Variants in BICD1 observed in about 807,000 individuals in gnomAD.
BICD1 encodes protein bicaudal D homolog 1.
In BICD1, 35 loss-of-function variants were observed where a neutral mutation model predicts 92.5. The ratio of observed to expected loss-of-function variants is 0.38; its 90% CI spans 0.29 to 0.50. BICD1 has a LOEUF of 0.50. BICD1 is among the 20% of genes least tolerant of loss of function. The probability of loss-of-function intolerance (pLI) is 0.93; values close to 1 mark genes in which losing one functional copy is unlikely to be tolerated. For synonymous variants in BICD1, 429 were observed against 465.1 expected, an observed-to-expected ratio of 0.92 and a Z score of 1.00; for missense variants, 950 against 1,189.8, an observed-to-expected ratio of 0.80 and a Z score of 2.97.
intron 1 of BICD1, among the ~76,000 whole-genome samples, chr12:32,155,376 G>C (rs1320214816): frequency 6.6e-6 from 1 of 152,192 alleles, no homozygotes; most frequent in African/African-American, 2.4e-5. Flanking sequence ...AATTTCAGCT[G>C]TCCAGCTATG....
At position 32,107,445 on chromosome 12, in the gene BICD1, G is replaced by T; in HGVS notation, c.114G>T (p.Gly38=). The change falls in exon 1 of 10, where the codon GGG becomes GGT. Residue 38 remains glycine, a synonymous_variant. Transcript: ENST00000652176. ...AGAAGATCCAGGCTGCCGAGTACGG[G>T]CTGGTGGTGCTGGAGGAGAAGCTGA... ...THEKIQAAEY[G]LVVLEEKLTL... The T allele has an allele frequency of 6.2e-7, 1 of 1,611,650 alleles. No homozygotes were observed. The highest frequency in any genetic ancestry group is 8.5e-7 in the Non-Finnish European group (1 of 1,179,132).
intron 1 of BICD1, among the ~76,000 whole-genome samples, chr12:32,210,374 TA>T (rs1405073289): frequency 6.6e-6 from 1 of 152,230 alleles, no homozygotes; most frequent in African/African-American, 2.4e-5. Flanking sequence ...ATTTTAAAGA[TA>T]AAATGATATT....
intron 1 of BICD1, among the ~76,000 whole-genome samples, chr12:32,180,771 C>T (rs1272101228): frequency 6.6e-6 from 1 of 151,954 alleles, no homozygotes; most frequent in Non-Finnish European, 1.5e-5. Flanking sequence ...TCCTTGAATA[C>T]TGGTTTTGTA....
chr12:32,130,426 C>T (rs12367017), intron 1 of BICD1, among the ~76,000 whole-genome samples: 16,394 of 152,102 alleles, frequency 0.11, 1,166 homozygotes, highest in East Asian at 0.32. Flanking sequence ...CTCCTGACCT[C>T]GTGATCTGCC....
At chr12:32,245,969 G>T (rs111432745) in intron 2 of BICD1, among the ~76,000 whole-genome samples, 5,813 of 129,650 alleles carry the variant, frequency 0.045, 423 homozygotes, top group African/African-American at 0.16. Flanking sequence ...GGCAGAGGTT[G>T]CAGTGAGCCG....
intron 2 of BICD1, among the ~76,000 whole-genome samples, chr12:32,234,318 C>T (rs1945993464): frequency 6.6e-6 from 1 of 152,148 alleles, no homozygotes; most frequent in Admixed American, 6.5e-5. Context: ...CAAAATTAGG[C>T]AGGGCGTGGT....
intron 2 of BICD1, among the ~76,000 whole-genome samples, chr12:32,240,204 C>T (rs1946196521): frequency 6.6e-6 from 1 of 152,154 alleles, no homozygotes; most frequent in South Asian, 2.1e-4. Context: ...CAATTTTCAC[C>T]CCTTTGGGGG....
chr12:32,112,673 A>G (rs1941741629), intron 1 of BICD1, among the ~76,000 whole-genome samples: 1 of 152,198 alleles, frequency 6.6e-6, no homozygotes, highest in African/African-American at 2.4e-5. Flanking sequence ...ACGCTAAAGG[A>G]GAATGCACGT....
intron 1 of BICD1, among the ~76,000 whole-genome samples, chr12:32,198,954 C>T (rs1944818590): frequency 6.6e-6 from 1 of 152,142 alleles, no homozygotes; most frequent in Admixed American, 6.6e-5. Context: ...CTCATTTCTA[C>T]CTTTAATATT....
At chr12:32,272,632 T>G (rs1240272200) in intron 2 of BICD1, among the ~76,000 whole-genome samples, 1 of 152,198 alleles carries the variant, frequency 6.6e-6, no homozygotes, top group Non-Finnish European at 1.5e-5. Flanking sequence ...TATTCCAGTC[T>G]GGCCAACATG....
At chr12:32,131,831 G>A (rs1162876901) in intron 1 of BICD1, among the ~76,000 whole-genome samples, 5 of 152,182 alleles carry the variant, frequency 3.3e-5, no homozygotes, top group African/African-American at 7.2e-5. Context: ...TGCCCTCAGC[G>A]GGTTGACACA....
At chr12:32,142,488 ATTGG>A (rs376701137) in intron 1 of BICD1, among the ~76,000 whole-genome samples, 18 of 53,670 alleles carry the variant, frequency 3.4e-4, no homozygotes, top group Admixed American at 5.6e-4. Context: ...CTATCTATCT[ATTGG>A]TCTATCTATC....
chr12:32,345,002 A>G (rs554547919), intron 8 of BICD1, among the ~76,000 whole-genome samples: 1 of 152,350 alleles, frequency 6.6e-6, no homozygotes, highest in East Asian at 1.9e-4. Context: ...TGCCAAAACA[A>G]AAGTTAAATC....
At chr12:32,129,688 A>G (rs1282646098) in intron 1 of BICD1, among the ~76,000 whole-genome samples, 1 of 152,082 alleles carries the variant, frequency 6.6e-6, no homozygotes, top group African/African-American at 2.4e-5. Context: ...TTTCTTCAAC[A>G]TTAAGAAATA....
chr12:32,187,828 A>G (rs576816023), intron 1 of BICD1, among the ~76,000 whole-genome samples: 2 of 152,358 alleles, frequency 1.3e-5, no homozygotes, highest in Admixed American at 6.5e-5. Context: ...CACATCACAC[A>G]ATATATCCAT....
intron 2 of BICD1, among the ~76,000 whole-genome samples, chr12:32,264,041 A>G (rs773038920): frequency 4.6e-5 from 7 of 152,242 alleles, no homozygotes; most frequent in Admixed American, 6.5e-5. Flanking sequence ...GCAAGGCTTC[A>G]GATCCTGGCT....
chr12:32,371,023 CT>C (rs5797476), intron 9 of BICD1, among the ~76,000 whole-genome samples: 13 of 127,400 alleles, frequency 1.0e-4, no homozygotes, highest in Non-Finnish European at 1.9e-4. Flanking sequence ...ATTTTTTTAA[CT>C]TTTTTTTTTC....
At chr12:32,282,338 A>G (rs1310023246) in intron 2 of BICD1, among the ~76,000 whole-genome samples, 1 of 149,244 alleles carries the variant, frequency 6.7e-6, no homozygotes, top group Non-Finnish European at 1.5e-5. Flanking sequence ...CTCCCACTTC[A>G]GCCTCCCGAG....
chr12:32,188,330 G>T (rs1352645836), intron 1 of BICD1, among the ~76,000 whole-genome samples: 1 of 152,164 alleles, frequency 6.6e-6, no homozygotes, highest in African/African-American at 2.4e-5. Context: ...CAACACTTCA[G>T]ATAGTTTATA....
Sources: gnomAD v4.1 joint callset for allele counts (sites outside exome capture counted in the v4.1 genomes callset) on GRCh38, gnomAD v4.1.1 for gene constraint, MANE v1.5 for transcripts, NCBI Gene and HGNC (gene_info 2026-07-23, HGNC 2026-07-21) for gene names.